SUSD2: variants seen among roughly 807,000 people sequenced by gnomAD.
The protein encoded by SUSD2 is sushi domain containing 2, also known as sushi domain-containing protein 2.
In SUSD2, 86 loss-of-function variants were observed where a neutral mutation model predicts 93.8. The ratio of observed to expected loss-of-function variants is 0.92; its 90% CI spans 0.77 to 1.10. SUSD2 has a LOEUF of 1.10. Among genes scored for constraint, SUSD2 ranks in the 50% least tolerant of loss-of-function variants. SUSD2 has a pLI of 0.00. For missense variants in SUSD2, 1,060 were observed against 1,137.0 expected (o/e 0.93, Z 0.97); for synonymous variants, 483 against 485.0 (o/e 1.00, Z 0.05).
At chr22:24,187,087 C>A in intron 10 of SUSD2, 115 bp from the exon 11 acceptor site, 1 of 1,406,960 alleles carries the variant, frequency 7.1e-7, no homozygotes, top group Non-Finnish European at 9.6e-7. Context: ...GCCCTCCCTT[C>A]CCCTGCAGGT....
intron 4 of SUSD2, 28 bp downstream of exon 4, chr22:24,184,331 A>G (rs1466286296): frequency 6.2e-7 from 1 of 1,607,930 alleles, no homozygotes; most frequent in Non-Finnish European, 8.5e-7. Context: ...CTGGGGTGGC[A>G]TCAGAGCTTT....
In SUSD2 at chr22:24,187,390, A is replaced by G. The variant is rs144931853; in HGVS notation, c.1831A>G (p.Ser611Gly). 6.8e-6 allele frequency: 11 copies of G among 1,613,820 alleles called. No individual in the cohort carries two copies. The highest frequency in any genetic ancestry group is 7.6e-6 in the Non-Finnish European group (9 of 1,180,022). ...NDPTDDFTLH[S>G]GRVLPPGTSP... ...CCCCACCGACGACTTCACCCTGCAC[A>G]GCGGGCGCGTCCTGCCCCCAGGCAC... is the stretch of plus-strand genomic sequence containing the variant. Residue 611 changes from serine (S) to glycine (G), a missense_variant, in exon 11 of 15, where the codon AGC becomes GGC. Ser to Gly is a moderately conservative substitution (Grantham distance 56, BLOSUM62 0). Coordinates refer to ENST00000358321, the MANE Select transcript of SUSD2 (RefSeq NM_019601.4).
At position 24,188,381 on chromosome 22, in the gene SUSD2, G is replaced by A. The variant is rs763908242; in HGVS notation, c.2445-31G>A. 1.4e-5 allele frequency: 22 copies of A among 1,611,056 alleles called. No homozygotes were observed. The highest frequency in any genetic ancestry group is 1.1e-4 in the South Asian group (10 of 91,056). ...CCCCGAGACAGCCGGTGGGACCACCGAGGCTACTTCTAACTGCGTTTCTGT... is the reference window on the plus strand; with the variant it reads ...CCCCGAGACAGCCGGTGGGACCACCAAGGCTACTTCTAACTGCGTTTCTGT... On this transcript the variant is annotated intron_variant, in intron 14 of 14. Transcript: ENST00000358321. This position sits in a 1 kb window ranked among gnomAD's most constrained non-coding sequence, Gnocchi z 4.7.
chr22:24,187,063 T>C (rs2047371278), intron 10 of SUSD2, 139 bp from the exon 11 acceptor site: 4 of 1,146,908 alleles, frequency 3.5e-6, no homozygotes, highest in Non-Finnish European at 4.9e-6. Flanking sequence ...GTCAGCAGAA[T>C]TGGCCCCGGG....
rs766826232 is a variant in SUSD2, at chr22:24,183,090, C to T, written c.110C>T (p.Ala37Val). 3 of 1,613,976 alleles carry T rather than the reference C, an allele frequency of 1.9e-6. No individual in the cohort carries two copies. In the South Asian group the frequency reaches 3.3e-5, roughly 18 times the overall value. ...GAGAGCTGCTCCATGCGCTGTGGCGCCCTGGACGGGCCATGTTCCTGCCAC... is the reference window on the plus strand; with the variant it reads ...GAGAGCTGCTCCATGCGCTGTGGCGTCCTGGACGGGCCATGTTCCTGCCAC... ...AQESCSMRCG[A>V]LDGPCSCHPT... Residue 37 changes from alanine (A) to valine (V), a missense_variant, in exon 2 of 15, where the codon GCC becomes GTC. By Grantham distance (64) the Ala-to-Val change is moderately conservative. Around this residue, in one of 2 missense-constraint regions of SUSD2, gnomAD observed 87 missense variants for 131.6 expected, o/e 0.66. Transcript: ENST00000358321.
chr22:24,187,036 G>C, intron 10 of SUSD2, 166 bp from the exon 11 acceptor site: 1 of 806,018 alleles, frequency 1.2e-6, no homozygotes, highest in Non-Finnish European at 1.9e-6. Flanking sequence ...GCATGGCAGG[G>C]GTGGCGGAGG....
At position 24,187,798 on chromosome 22, in the gene SUSD2, G is replaced by A. The variant is rs1231164399; in HGVS notation, c.2119G>A (p.Val707Met). 5 of 1,613,658 alleles carry A rather than the reference G, an allele frequency of 3.1e-6. No individual in the cohort carries two copies. The highest frequency in any genetic ancestry group is 1.1e-5 in the South Asian group (1 of 91,080). Residue 707 changes from valine (V) to methionine (M), a missense_variant, in exon 12 of 15, where the codon GTG (valine) becomes ATG (methionine). This residue lies in a region of SUSD2 where 973 missense variants were observed against 1,005.3 expected (regional missense o/e 0.97). Transcript: ENST00000358321. ...CCTGAGCACGGGCACTGCCACTCGG[G>A]TGGCCCACCAGCTGCACCAGCGTCG... Reference protein sequence around the residue: ...GSLSTGTATRVAHQLHQRRMQ... With the variant: ...GSLSTGTATRMAHQLHQRRMQ...
chr22:24,188,025 G>T lies in SUSD2; in HGVS notation c.2231G>T (p.Gly744Val), dbSNP rs750448243. The part of the protein sequence containing the change: ...GQKEGNRYLA[G>V]STIYFHCDNG... ...AAGGAGGGCAACAGGTACCTGGCGG[G>T]TTCCACCATCTACTTCCACTGTGAC... Residue 744 changes from glycine to valine, a missense_variant, in exon 13 of 15, where the codon GGT (glycine) becomes GTT (valine). By Grantham distance (109) the Gly-to-Val change is moderately radical. Transcript: ENST00000358321. The surrounding 1 kb of genome is among the most constrained non-coding windows in gnomAD (Gnocchi z 4.7). 1 of 1,613,082 alleles carries T rather than the reference G, an allele frequency of 6.2e-7. No individual in the cohort carries two copies. Among genetic ancestry groups the T allele is most frequent in the South Asian group, 1.1e-5 (1 of 91,088 alleles).
intron 1 of SUSD2, 88 bp from the exon 2 acceptor site, chr22:24,182,969 G>A: frequency 7.1e-6 from 8 of 1,127,970 alleles, no homozygotes; most frequent in South Asian, 1.4e-5. Flanking sequence ...CTGTCTAATG[G>A]GCTGTGGGAG....
chr22:24,184,850 C>A lies in SUSD2; in HGVS notation c.692C>A (p.Thr231Asn), dbSNP rs748344010. 2.7e-5 allele frequency: 43 copies of A among 1,614,050 alleles called. No individual in the cohort carries two copies. The highest frequency in any genetic ancestry group is 3.4e-5 in the Non-Finnish European group (40 of 1,180,004). Reference protein sequence around the residue: ...ATHIPNSGSFTFTPKPAPPSY... With the variant: ...ATHIPNSGSFNFTPKPAPPSY... ...CACATCCCCAACTCCGGCTCTTTCA[C>A]TTTCACCCCAAAACCTGCTCCTCCC... Residue 231 changes from threonine to asparagine, a missense_variant, in exon 5 of 15, where the codon ACT becomes AAT. Physicochemically the swap from Thr to Asn is moderately conservative, Grantham distance 65. Around this residue, in one of 2 missense-constraint regions of SUSD2, gnomAD observed 973 missense variants for 1,005.3 expected, o/e 0.97. Transcript: ENST00000358321.
In SUSD2 at chr22:24,184,267, A is replaced by G. The variant is rs146654548; in HGVS notation, c.571A>G (p.Thr191Ala). The G allele has an allele frequency of 7.1e-5, 114 of 1,613,448 alleles. No individual in the cohort carries two copies. The highest frequency in any genetic ancestry group is 1.3e-4 in the Admixed American group (8 of 59,996). Residue 191 changes from threonine to alanine, a missense_variant, in exon 4 of 15, where the codon ACC becomes GCC. Around this residue, in one of 2 missense-constraint regions of SUSD2, gnomAD observed 973 missense variants for 1,005.3 expected, o/e 0.97. Transcript: ENST00000358321. ...GCATGTCAAGTCGCTGCCCACGCAG[A>G]CCATCACCATCGAACTGTGGGGCTA... ...TWHVKSLPTQ[T>A]ITIELWGYEE...
rs779233209 is a variant in SUSD2 at position 24,184,842 on chromosome 22, C to A, written c.684C>A (p.Gly228=). The A allele has an allele frequency of 6.2e-7, 1 of 1,613,912 alleles. No individual in the cohort carries two copies. The highest frequency in any genetic ancestry group is 8.5e-7 in the Non-Finnish European group (1 of 1,179,998). The change falls in exon 5 of 15, where the codon GGC becomes GGA. Residue 228 remains glycine, a synonymous_variant. Transcript: ENST00000358321. ...YPLATHIPNS[G]SFTFTPKPAP... ...TGGCCACACACATCCCCAACTCCGG[C>A]TCTTTCACTTTCACCCCAAAACCTG...
chr22:24,185,766 G>A lies in SUSD2; in HGVS notation c.1176G>A (p.Trp392Ter), dbSNP rs2047360314. The change falls in exon 8 of 15, where the codon TGG becomes TGA. Residue 392 changes from tryptophan to a stop codon, truncating the protein, a stop_gained. Coordinates refer to ENST00000358321, the MANE Select transcript of SUSD2 (RefSeq NM_019601.4). LOFTEE classifies it high-confidence loss of function. Reference sequence around the variant, plus strand: ...GCACTCCCGACCGCGGCCATGACTGGGGCGCACCCCCGTTCCGCACGCCAC... The same window carrying A: ...GCACTCCCGACCGCGGCCATGACTGAGGCGCACCCCCGTTCCGCACGCCAC... ...GGSTPDRGHD[W>*]GAPPFRTPPR... The A allele has an allele frequency of 1.2e-6, 2 of 1,609,738 alleles. No homozygotes were observed. The highest frequency in any genetic ancestry group is 3.3e-5 in the Admixed American group (2 of 59,784).
rs750679771 is a variant in SUSD2 at position 24,187,974 on chromosome 22, G to A, written c.2180G>A (p.Trp727Ter). The change falls in exon 13 of 15, where the codon TGG (tryptophan) becomes TAG (stop). Residue 727 changes from tryptophan (W) to a stop codon, truncating the protein, a stop_gained. Transcript: ENST00000358321. LOFTEE classifies it high-confidence loss of function. ...CCCATCCCAGTGGTGTCCTGTGGCT[G>A]GCTGGCCCCACCTCCCAACGGACAA... Reference protein sequence around the residue: ...QSLQPVVSCGWLAPPPNGQKE... With the variant: ...QSLQPVVSCG The A allele has an allele frequency of 1.7e-5, 28 of 1,612,726 alleles. No individual in the cohort carries two copies. In the Admixed American group the frequency reaches 4.3e-4, roughly 25 times the overall value.
In SUSD2 at chr22:24,183,231, A is replaced by G. The variant is rs1332235490; in HGVS notation, c.251A>G (p.Lys84Arg). 2 of 1,613,732 alleles carry G rather than the reference A, an allele frequency of 1.2e-6. No homozygotes were observed. Among genetic ancestry groups the G allele is most frequent in the East Asian group, 4.5e-5 (2 of 44,894 alleles). Reference protein sequence around the residue: ...GGKDFVVRHFKMSSPTDASVI... With the variant: ...GGKDFVVRHFRMSSPTDASVI... ...AAGGACTTTGTGGTGCGGCACTTCA[A>G]GATGTCCAGCCCCACAGACGCCAGT... Residue 84 changes from lysine to arginine, a missense_variant, in exon 2 of 15, where the codon AAG (lysine) becomes AGG (arginine). Lys to Arg is a conservative substitution (Grantham distance 26). Transcript: ENST00000358321.
chr22:24,181,733 A>T, intron 1 of SUSD2, 138 bp downstream of exon 1: 1 of 676,090 alleles, frequency 1.5e-6, no homozygotes, highest in Non-Finnish European at 2.3e-6. Flanking sequence ...ATGGGAAGAA[A>T]TTCTGAGGGT....
At chr22:24,183,431 C>A in intron 2 of SUSD2, 64 bp from the exon 3 acceptor site, 2 of 1,572,482 alleles carry the variant, frequency 1.3e-6, no homozygotes, top group Non-Finnish European at 8.6e-7. Flanking sequence ...AGGTTGGGGG[C>A]CCAGACCATC....
rs1399604444 is a variant in SUSD2, at chr22:24,187,610, C to G, written c.1931C>G (p.Ser644Cys). 68 of 1,613,804 alleles carry G rather than the reference C, an allele frequency of 4.2e-5. No homozygotes were observed. The highest frequency in any genetic ancestry group is 5.7e-5 in the Non-Finnish European group (67 of 1,179,878). The change falls in exon 12 of 15, where the codon TCC becomes TGC. Residue 644 changes from serine to cysteine, a missense_variant. By Grantham distance (112) the Ser-to-Cys change is moderately radical. This residue lies in a region of SUSD2 where 973 missense variants were observed against 1,005.3 expected (regional missense o/e 0.97). Coordinates refer to ENST00000358321, the MANE Select transcript of SUSD2 (RefSeq NM_019601.4). Reference protein sequence around the residue: ...HNASSLLTYDSWFLVHNFLYQ... With the variant: ...HNASSLLTYDCWFLVHNFLYQ... Reference sequence around the variant, plus strand: ...GCGTCCTCCCTGCTCACCTACGATTCCTGGTTCCTGGTCCACAACTTCCTG... The same window carrying G: ...GCGTCCTCCCTGCTCACCTACGATTGCTGGTTCCTGGTCCACAACTTCCTG...
At chr22:24,182,056 TCCC>T (rs1452557725) in intron 1 of SUSD2, among the ~76,000 whole-genome samples, 1 of 151,458 alleles carries the variant, frequency 6.6e-6, no homozygotes, top group Non-Finnish European at 1.5e-5. Context: ...CTCGGCCTCC[TCCC>T]CCGACCCCTG....
Sources: gnomAD v4.1 joint callset for allele counts (sites outside exome capture counted in the v4.1 genomes callset) on GRCh38, gnomAD v4.1.1 for gene constraint, gnomAD v4.1.1 regional missense constraint, Gnocchi (gnomAD v3.1) non-coding constraint, MANE v1.5 for transcripts, NCBI Gene and HGNC (gene_info 2026-07-23, HGNC 2026-07-21) for gene names.